The following CYTIP variants were observed in gnomAD, a reference collection of about 807,000 sequenced individuals.
CYTIP encodes cytohesin-interacting protein.
CYTIP carries 26 observed loss-of-function variants against 43.8 expected under a neutral mutation model. The ratio of observed to expected loss-of-function variants is 0.59; its 90% confidence interval spans 0.44 to 0.82. CYTIP has a LOEUF of 0.82. Ranked by LOEUF, CYTIP falls within the 40% of genes least tolerant of loss-of-function variation. The probability of loss-of-function intolerance (pLI) is 0.00; values close to 1 mark genes in which losing one functional copy is unlikely to be tolerated. For missense variants in CYTIP, 426 were observed against 443.1 expected, an observed-to-expected ratio of 0.96 and a Z score of 0.35; for synonymous variants, 162 against 162.9, an observed-to-expected ratio of 0.99 and a Z score of 0.04.
chr2:157,427,623 A>G (rs1685634452), intron 5 of CYTIP, among the ~76,000 whole-genome samples: 1 of 152,152 alleles, frequency 6.6e-6, no homozygotes, highest in Non-Finnish European at 1.5e-5. Context: ...AAAATGGGGG[A>G]AAACTCCCCT....
rs143644910 is a variant in CYTIP at position 157,435,546 on chromosome 2, C to T, written c.175-799G>A. Among the ~76,000 whole-genome samples, 393 of 152,208 alleles carry T rather than the reference C, an allele frequency of 2.6e-3. 1 individual carries two copies. The highest frequency in any genetic ancestry group is 4.6e-3 in the Non-Finnish European group (315 of 68,010). ...CATAAGCTTTCAGGACACATTCTAC[C>T]ACTGTAAACAGAAGCAGCATCAACA... On this transcript the variant is annotated intron_variant, in intron 1 of 7. Transcript: ENST00000264192.
intron 6 of CYTIP, among the ~76,000 whole-genome samples, chr2:157,426,143 C>T (rs1254957389): frequency 6.6e-6 from 1 of 151,432 alleles, no homozygotes; most frequent in Non-Finnish European, 1.5e-5. Context: ...ATAGCAAGAA[C>T]AATGAGGAAG....
rs540605984 is a variant in CYTIP at position 157,430,606 on chromosome 2, G to A, written c.429C>T (p.Thr143=). The change falls in exon 5 of 8, where the codon ACC becomes ACT. Residue 143 remains threonine, a synonymous_variant. Transcript: ENST00000264192. ...NINGVSTEGF[T]YKQVVDLIRS... ...TGATCAGGTCAACGACTTGTTTGTA[G>A]GTAAAACCTTCTGTGCTCACACCAT... The A allele has an allele frequency of 1.1e-5, 17 of 1,614,160 alleles. No homozygotes were observed. In the South Asian group the frequency reaches 1.2e-4, roughly 11 times the overall value.
chr2:157,427,952 T>C (rs1685638619), intron 5 of CYTIP, among the ~76,000 whole-genome samples: 1 of 152,196 alleles, frequency 6.6e-6, no homozygotes, highest in Admixed American at 6.5e-5. Flanking sequence ...TTTACCTCTG[T>C]AAATCTCCTT....
chr2:157,427,420 C>T lies in CYTIP; in HGVS notation c.477G>A (p.Thr159=), dbSNP rs771079624. Residue 159 remains threonine (T), a splice_region_variant and synonymous_variant, in exon 6 of 8, where the codon ACG becomes ACA. Coordinates refer to ENST00000264192, the MANE Select transcript of CYTIP (RefSeq NM_004288.5). ...DLIRSSGNLL[T]IETLNGTMIL... ...TCATTGTTCCATTAAGAGTCTCTAT[C>T]CTGTTTTAAGGAAAAAAAAAAGAAG... 1.3e-6 allele frequency: 2 copies of T among 1,595,900 alleles called. No homozygotes were observed. Among genetic ancestry groups the T allele is most frequent in the South Asian group, 1.1e-5 (1 of 87,718 alleles).
chr2:157,420,058 G>A (rs1363630320), intron 6 of CYTIP, among the ~76,000 whole-genome samples: 1 of 152,232 alleles, frequency 6.6e-6, no homozygotes, highest in Non-Finnish European at 1.5e-5. Context: ...TTTGAGGGCT[G>A]AGGGCAGTGG....
chr2:157,436,000 GT>G (rs1685803380), intron 1 of CYTIP, among the ~76,000 whole-genome samples: 1 of 152,170 alleles, frequency 6.6e-6, no homozygotes, highest in Admixed American at 6.5e-5. Context: ...GAATGGACCA[GT>G]GTTAAGAATT....
intron 3 of CYTIP, 53 bp downstream of exon 3, chr2:157,434,317 C>G: frequency 7.3e-7 from 1 of 1,361,750 alleles, no homozygotes; most frequent in Admixed American, 1.7e-5. Flanking sequence ...TAACATGACA[C>G]TACCGGTGCC....
At position 157,430,611 on chromosome 2, in the gene CYTIP, A is replaced by G. The variant is rs767253791; in HGVS notation, c.424T>C (p.Phe142Leu). 29 of 1,614,128 alleles carry G rather than the reference A, an allele frequency of 1.8e-5. No individual in the cohort carries two copies. Among genetic ancestry groups the G allele is most frequent in the Non-Finnish European group, 2.5e-5 (29 of 1,180,014 alleles). Residue 142 changes from phenylalanine (F) to leucine (L), a missense_variant, in exon 5 of 8, where the codon TTT becomes CTT. Transcript: ENST00000264192. ...AGGTCAACGACTTGTTTGTAGGTAA[A>G]ACCTTCTGTGCTCACACCATTGATA... ...ANINGVSTEG[F>L]TYKQVVDLIR...
At chr2:157,442,366 A>T (rs1443426366) in intron 1 of CYTIP, among the ~76,000 whole-genome samples, 1 of 151,996 alleles carries the variant, frequency 6.6e-6, no homozygotes, top group East Asian at 1.9e-4. Flanking sequence ...TGTTGCATTG[A>T]ATTGCATGGG....
At position 157,426,975 on chromosome 2, in the gene CYTIP, C is replaced by T. The variant is rs576165478; in HGVS notation, c.546+376G>A. On this transcript the variant is annotated intron_variant, in intron 6 of 7. Transcript: ENST00000264192. ...AAGAGAAGGACACCAAAAGAGGACA[C>T]GGAAAAAGTGAAAAACCCAGGCCCT... Among the ~76,000 whole-genome samples, 77 of 152,200 alleles carry T rather than the reference C, an allele frequency of 5.1e-4. 1 individual carries two copies. In the South Asian group the frequency reaches 0.015, roughly 29 times the overall value.
chr2:157,421,193 T>G (rs892949959), intron 6 of CYTIP, among the ~76,000 whole-genome samples: 4 of 152,224 alleles, frequency 2.6e-5, no homozygotes, highest in Non-Finnish European at 5.9e-5. Flanking sequence ...TGAGCTCTCA[T>G]TGGATGAGAA....
At chr2:157,440,138 C>T (rs910797612) in intron 1 of CYTIP, among the ~76,000 whole-genome samples, 9 of 152,158 alleles carry the variant, frequency 5.9e-5, no homozygotes, top group African/African-American at 1.4e-4. Flanking sequence ...GTCACTGTTA[C>T]TTGTTTCAAA....
chr2:157,430,331 C>T (rs1033858983), intron 5 of CYTIP, among the ~76,000 whole-genome samples: 5 of 152,184 alleles, frequency 3.3e-5, no homozygotes, highest in Admixed American at 3.3e-4. Context: ...CCCACACAGA[C>T]GTTTGGGCTA....
chr2:157,420,872 A>G (rs988992247), intron 6 of CYTIP, among the ~76,000 whole-genome samples: 8 of 152,204 alleles, frequency 5.3e-5, no homozygotes, highest in Non-Finnish European at 1.2e-4. Context: ...ATAGGTCAAC[A>G]GTAAAAACTA....
intron 1 of CYTIP, among the ~76,000 whole-genome samples, chr2:157,436,694 T>C (rs190299372): frequency 1.2e-4 from 19 of 152,260 alleles, no homozygotes; most frequent in Admixed American, 7.8e-4. Context: ...TGGGGAATGT[T>C]ATTTGTTTTA....
chr2:157,433,834 T>A (rs1029975877), intron 3 of CYTIP, among the ~76,000 whole-genome samples: 1 of 152,172 alleles, frequency 6.6e-6, no homozygotes, highest in Non-Finnish European at 1.5e-5. Context: ...TATAAAGCAT[T>A]GTCATTAGGA....
intron 5 of CYTIP, among the ~76,000 whole-genome samples, chr2:157,430,055 A>T (rs916951406): frequency 6.6e-6 from 1 of 151,266 alleles, no homozygotes; most frequent in Non-Finnish European, 1.5e-5. Context: ...AGTTTGGAAC[A>T]TTTGGAACAT....
chr2:157,440,795 T>A (rs573267183), intron 1 of CYTIP, among the ~76,000 whole-genome samples: 14 of 152,336 alleles, frequency 9.2e-5, no homozygotes, highest in African/African-American at 2.9e-4. Context: ...CACTATAGCA[T>A]TCTGTAAAAA....
Sources: allele counts gnomAD v4.1 joint callset (sites outside exome capture counted in the v4.1 genomes callset), GRCh38; gene constraint gnomAD v4.1.1; transcripts MANE v1.5; gene names NCBI Gene and HGNC (gene_info 2026-07-23, HGNC 2026-07-21).